The following PDGFD variants were observed in gnomAD, a reference collection of about 807,000 sequenced individuals.
The protein encoded by PDGFD is platelet derived growth factor D.
In PDGFD, 30 loss-of-function variants were observed where a neutral mutation model predicts 44.7. That is an observed-to-expected ratio of 0.67 (90% CI 0.50 to 0.91). PDGFD has a LOEUF of 0.91. PDGFD is among the 40% of genes least tolerant of loss of function. PDGFD has a pLI of 0.00. For synonymous variants in PDGFD, 173 were observed against 168.4 expected (o/e 1.03, Z -0.21); for missense variants, 445 against 457.8 (o/e 0.97, Z 0.25).
At chr11:104,147,191 C>T (rs761572320) in intron 1 of PDGFD, among the ~76,000 whole-genome samples, 13 of 152,056 alleles carry the variant, frequency 8.5e-5, no homozygotes, top group Non-Finnish European at 1.9e-4. Flanking sequence ...ATCTTGTGTG[C>T]TTGTTTTGAA....
intron 3 of PDGFD, among the ~76,000 whole-genome samples, chr11:103,982,538 T>C (rs1051507925): frequency 6.6e-6 from 1 of 151,738 alleles, no homozygotes; most frequent in East Asian, 1.9e-4. Flanking sequence ...ATCACTCCGA[T>C]TCAATATAGT....
chr11:103,925,739 A>ATATAT (rs1591079077), intron 6 of PDGFD, among the ~76,000 whole-genome samples: 1 of 133,458 alleles, frequency 7.5e-6, no homozygotes, highest in African/African-American at 2.7e-5. Flanking sequence ...ATATATATGT[A>ATATAT]ATTTTTTTTT....
intron 1 of PDGFD, among the ~76,000 whole-genome samples, chr11:104,012,774 C>T (rs1047630598): frequency 3.9e-5 from 6 of 152,156 alleles, no homozygotes; most frequent in South Asian, 2.1e-4. Flanking sequence ...TTTCTCACTC[C>T]GAAATCTGGG....
Position 103,958,769 on chromosome 11 carries a change from T to C in PDGFD, c.511-11045A>G, listed in dbSNP as rs541001030. Among the ~76,000 whole-genome samples, 29 of 152,292 alleles carry C rather than the reference T, an allele frequency of 1.9e-4. No individual in the cohort carries two copies. The South Asian group carries it at 5.4e-3, about 28-fold the overall frequency. The stretch of plus-strand genomic sequence containing the variant: ...CTGTACTTGACTGACGTTATATAAA[T>C]AGATTTTCTTCATGGTGGCCAAAAG... On this transcript the variant is annotated intron_variant, in intron 3 of 6. Coordinates refer to ENST00000393158, the MANE Select transcript of PDGFD (RefSeq NM_025208.5).
At chr11:104,131,596 G>T (rs1861919825) in intron 1 of PDGFD, among the ~76,000 whole-genome samples, 1 of 152,024 alleles carries the variant, frequency 6.6e-6, no homozygotes, top group Non-Finnish European at 1.5e-5. Flanking sequence ...TTCATTAAAA[G>T]AATGATAAGT....
At chr11:104,132,389 A>C (rs969901081) in intron 1 of PDGFD, among the ~76,000 whole-genome samples, 2 of 152,050 alleles carry the variant, frequency 1.3e-5, no homozygotes, top group Non-Finnish European at 2.9e-5. Flanking sequence ...CTGTACAGAG[A>C]TGTAACAAGA....
chr11:103,949,299 G>A (rs1036067066), intron 3 of PDGFD, among the ~76,000 whole-genome samples: 15 of 152,046 alleles, frequency 9.9e-5, no homozygotes, highest in Non-Finnish European at 1.9e-4. Flanking sequence ...CACTGGGCCC[G>A]GCCTCGTTAT....
intron 1 of PDGFD, among the ~76,000 whole-genome samples, chr11:104,021,057 C>G (rs983846181): frequency 1.3e-5 from 2 of 152,068 alleles, no homozygotes; most frequent in African/African-American, 2.4e-5. Flanking sequence ...AGTAATGTAC[C>G]TGGGGTCATA....
At chr11:104,144,634 T>C (rs187253308) in intron 1 of PDGFD, among the ~76,000 whole-genome samples, 1 of 152,026 alleles carries the variant, frequency 6.6e-6, no homozygotes, top group Non-Finnish European at 1.5e-5. Context: ...GATGAAGCCA[T>C]TTTAACTCTT....
At chr11:104,117,124 C>CA (rs1861653652) in intron 1 of PDGFD, among the ~76,000 whole-genome samples, 1 of 151,934 alleles carries the variant, frequency 6.6e-6, no homozygotes, top group Non-Finnish European at 1.5e-5. Flanking sequence ...GAATTAAAAA[C>CA]AAAAATCAAA....
At chr11:104,018,345 A>G (rs1859892540) in intron 1 of PDGFD, among the ~76,000 whole-genome samples, 1 of 152,326 alleles carries the variant, frequency 6.6e-6, no homozygotes, top group East Asian at 1.9e-4. Flanking sequence ...TGAAGAAGTT[A>G]ACATTTTTGG....
intron 1 of PDGFD, among the ~76,000 whole-genome samples, chr11:104,115,135 T>C (rs1263052386): frequency 3.3e-5 from 5 of 151,762 alleles, no homozygotes; most frequent in Non-Finnish European, 7.4e-5. Context: ...TTATGAGTGA[T>C]TACATACAAT....
At chr11:104,084,716 A>G (rs1216242204) in intron 1 of PDGFD, among the ~76,000 whole-genome samples, 1 of 135,130 alleles carries the variant, frequency 7.4e-6, no homozygotes, top group South Asian at 2.1e-4. Context: ...TTAATAAAGT[A>G]TACATATATA....
At chr11:103,980,671 C>G (rs892504416) in intron 3 of PDGFD, among the ~76,000 whole-genome samples, 1 of 152,000 alleles carries the variant, frequency 6.6e-6, no homozygotes, top group Non-Finnish European at 1.5e-5. Flanking sequence ...TGTGTCCCCC[C>G]CAAAATTGAT....
chr11:104,118,377 C>T (rs1335792633), intron 1 of PDGFD, among the ~76,000 whole-genome samples: 2 of 151,892 alleles, frequency 1.3e-5, no homozygotes, highest in Admixed American at 1.3e-4. Context: ...AGTGGACTCT[C>T]ACAAGAAACC....
In PDGFD at chr11:104,163,981, C is replaced by G; in HGVS notation, c.-54G>C. On this transcript the variant is annotated 5_prime_UTR_variant, in exon 1 of 7. Transcript: ENST00000393158. ...CTCCAAGAAAAAGCCGGGTTCTGCT[C>G]CCGGGACCGACGCCGCGCCGCCCTG... The G allele has an allele frequency of 1.4e-6, 2 of 1,474,360 alleles. No individual in the cohort carries two copies. Among genetic ancestry groups the G allele is most frequent in the East Asian group, 2.4e-5 (1 of 41,672 alleles). 91.3% of individuals were successfully genotyped at this position (1,474,360 alleles called of 1,614,324 possible).
chr11:104,093,886 T>TA (rs564395271), intron 1 of PDGFD, among the ~76,000 whole-genome samples: 12 of 149,132 alleles, frequency 8.0e-5, no homozygotes, highest in African/African-American at 2.2e-4. Context: ...CTCCAATCAT[T>TA]AAAAAAAATT....
chr11:104,036,840 C>T (rs1860245651), intron 1 of PDGFD: 1 of 1,614,024 alleles, frequency 6.2e-7, no homozygotes, highest in Non-Finnish European at 8.5e-7. Context: ...TCACCGTGTA[C>T]TGCGTGCGGA....
chr11:104,035,774 C>T (rs1860221806), intron 1 of PDGFD, among the ~76,000 whole-genome samples: 1 of 152,078 alleles, frequency 6.6e-6, no homozygotes, highest in Non-Finnish European at 1.5e-5. Context: ...TAAATTCCTG[C>T]TTTTGTAACA....
Sources: gnomAD v4.1 joint callset for allele counts (sites outside exome capture counted in the v4.1 genomes callset) on GRCh38, gnomAD v4.1.1 for gene constraint, MANE v1.5 for transcripts, NCBI Gene and HGNC (gene_info 2026-07-23, HGNC 2026-07-21) for gene names.